KCNMA1: variants seen among roughly 807,000 people sequenced by gnomAD.
KCNMA1 encodes potassium calcium-activated channel subfamily M alpha 1.
KCNMA1 carries 29 observed loss-of-function variants against 140.0 expected under a neutral mutation model. The ratio of observed to expected loss-of-function variants is 0.21; its 90% CI spans 0.15 to 0.28. The LOEUF is 0.28. Ranked by LOEUF, KCNMA1 falls within the 10% of genes least tolerant of loss-of-function variation. The pLI is 1.00. For synonymous variants in KCNMA1, 612 were observed against 611.9 expected (o/e 1.00, Z 0.00); for missense variants, 880 against 1,602.2 (o/e 0.55, Z 7.70).
At chr10:77,134,689 AAAAG>A (rs1163597246) in intron 5 of KCNMA1, among the ~76,000 whole-genome samples, 2 of 152,160 alleles carry the variant, frequency 1.3e-5, no homozygotes, top group Non-Finnish European at 2.9e-5. Flanking sequence ...TTGGCCCAAC[AAAAG>A]AAAGAATCAA....
chr10:76,968,826 GT>G (rs1436933386), intron 20 of KCNMA1, among the ~76,000 whole-genome samples: 1 of 152,198 alleles, frequency 6.6e-6, no homozygotes, highest in Non-Finnish European at 1.5e-5. Flanking sequence ...GAAAACCTGT[GT>G]CCTCAACCAC....
intron 17 of KCNMA1, among the ~76,000 whole-genome samples, chr10:77,014,375 G>A (rs1026156747): frequency 4.6e-5 from 7 of 151,288 alleles, no homozygotes; most frequent in Admixed American, 2.0e-4. Flanking sequence ...GCAGTGAGCC[G>A]AGATTGTGCC....
At chr10:77,318,551 T>C (rs1011146954) in intron 2 of KCNMA1, among the ~76,000 whole-genome samples, 6 of 152,190 alleles carry the variant, frequency 3.9e-5, no homozygotes, top group Non-Finnish European at 8.8e-5. Context: ...CTTGCACTCA[T>C]AGGCAAGCTT....
chr10:77,187,004 AT>A (rs1437963868), intron 3 of KCNMA1, among the ~76,000 whole-genome samples: 1 of 152,098 alleles, frequency 6.6e-6, no homozygotes, highest in Non-Finnish European at 1.5e-5. Flanking sequence ...AAAACTGACT[AT>A]TGTTTCACCA....
chr10:76,923,732 C>T (rs1337606542), intron 23 of KCNMA1, among the ~76,000 whole-genome samples: 1 of 152,122 alleles, frequency 6.6e-6, no homozygotes, highest in Non-Finnish European at 1.5e-5. Flanking sequence ...GCCTGTAATC[C>T]CAGTACTTTG....
chr10:77,502,561 G>A (rs141112733), intron 1 of KCNMA1, among the ~76,000 whole-genome samples: 3 of 152,196 alleles, frequency 2.0e-5, no homozygotes, highest in East Asian at 3.9e-4. Flanking sequence ...TTTCAGTTGC[G>A]TCTGATTTGG....
chr10:77,426,822 A>C (rs1208293717), intron 1 of KCNMA1, among the ~76,000 whole-genome samples: 1 of 152,202 alleles, frequency 6.6e-6, no homozygotes, highest in Non-Finnish European at 1.5e-5. Flanking sequence ...CCTCTGCAGC[A>C]CTGCTGCATG....
intron 14 of KCNMA1, among the ~76,000 whole-genome samples, chr10:77,054,618 C>T (rs1161243565): frequency 6.6e-6 from 1 of 152,194 alleles, no homozygotes; most frequent in East Asian, 1.9e-4. Flanking sequence ...ATACAGAGTA[C>T]AGCCATCAAG....
chr10:76,914,824 C>T, intron 24 of KCNMA1, 112 bp downstream of exon 24: 2 of 817,978 alleles, frequency 2.4e-6, no homozygotes, highest in South Asian at 2.7e-5. Context: ...CAAAACAAAC[C>T]CCATAGCAGC....
chr10:77,059,160 T>C (rs2095649184), intron 14 of KCNMA1, among the ~76,000 whole-genome samples: 1 of 152,006 alleles, frequency 6.6e-6, no homozygotes, highest in Admixed American at 6.6e-5. Context: ...AGATTAACTA[T>C]TTAACCTGAA....
At chr10:77,054,239 G>C (rs1158999562) in intron 14 of KCNMA1, among the ~76,000 whole-genome samples, 1 of 151,818 alleles carries the variant, frequency 6.6e-6, no homozygotes. Flanking sequence ...AGGAGAAAGA[G>C]AAAAAAAATA....
At chr10:77,198,879 C>G (rs1003718388) in intron 3 of KCNMA1, among the ~76,000 whole-genome samples, 2 of 152,050 alleles carry the variant, frequency 1.3e-5, no homozygotes, top group Non-Finnish European at 2.9e-5. Context: ...ATAAATTACT[C>G]CTTCTAAAAT....
chr10:76,918,398 T>A (rs976149436), intron 23 of KCNMA1, among the ~76,000 whole-genome samples: 1 of 152,202 alleles, frequency 6.6e-6, no homozygotes, highest in African/African-American at 2.4e-5. Flanking sequence ...CTCCTGATTC[T>A]TTAGCCATGT....
intron 1 of KCNMA1, among the ~76,000 whole-genome samples, chr10:77,583,783 C>T (rs763670151): frequency 2.0e-5 from 3 of 152,198 alleles, no homozygotes; most frequent in African/African-American, 4.8e-5. Context: ...TAGCCTCAGT[C>T]CTGACTCAAC....
chr10:77,090,880 C>T (rs1370954796), intron 9 of KCNMA1: 6 of 308,916 alleles, frequency 1.9e-5, no homozygotes, highest in African/African-American at 8.5e-5. Flanking sequence ...GCCCACAAAG[C>T]GTCCTCCGGG....
At chr10:77,553,859 A>G (rs1190275404) in intron 1 of KCNMA1, among the ~76,000 whole-genome samples, 1 of 152,178 alleles carries the variant, frequency 6.6e-6, no homozygotes, top group Admixed American at 6.5e-5. Flanking sequence ...GTAAACAGAC[A>G]TGGTTCTAAA....
At chr10:77,582,485 C>T (rs535131398) in intron 1 of KCNMA1, among the ~76,000 whole-genome samples, 10 of 152,304 alleles carry the variant, frequency 6.6e-5, no homozygotes, top group African/African-American at 2.2e-4. Flanking sequence ...ACCTAGATGA[C>T]GGGTTGATGG....
chr10:77,489,035 C>G (rs1235781563), intron 1 of KCNMA1, among the ~76,000 whole-genome samples: 13 of 152,230 alleles, frequency 8.5e-5, no homozygotes, highest in Non-Finnish European at 8.8e-5. Flanking sequence ...CATCTTCCCC[C>G]TCTAGGCAGA....
chr10:77,126,503 A>G (rs544347916), intron 5 of KCNMA1, among the ~76,000 whole-genome samples: 78 of 152,352 alleles, frequency 5.1e-4, no homozygotes, highest in Non-Finnish European at 9.6e-4. Context: ...CTAGGGTATC[A>G]TATCCAAGAC....
Sources: gnomAD v4.1 joint callset for allele counts (sites outside exome capture counted in the v4.1 genomes callset) on GRCh38, gnomAD v4.1.1 for gene constraint, MANE v1.5 for transcripts, NCBI Gene and HGNC (gene_info 2026-07-23, HGNC 2026-07-21) for gene names.